PVALEF: variants seen among roughly 807,000 people sequenced by gnomAD.
The protein encoded by PVALEF is parvalbumin like EF-hand containing.
PVALEF carries 2 observed loss-of-function variants against 1.2 expected under a neutral mutation model. The ratio of observed to expected loss-of-function variants is 1.68; its 90% CI spans 0.69 to 5.28. PVALEF has a LOEUF of 5.28. PVALEF is among the 30% of genes most tolerant of loss of function. PVALEF has a pLI of 0.06. For synonymous variants in PVALEF, 16 were observed against 6.5 expected, an observed-to-expected ratio of 2.47 and a Z score of -2.24; for missense variants, 35 against 17.7, an observed-to-expected ratio of 1.97 and a Z score of -1.75.
chr17:81,165,655 C>G lies in PVALEF; in HGVS notation c.-600C>G, dbSNP rs1215939410. ...CCAACTCTCCTGGACACCAGGGGCC[C>G]ACGCAGGCCCTCCGTGCCCCAGTTA... On this transcript the variant is annotated 5_prime_UTR_variant, in exon 1 of 7. Coordinates refer to ENST00000637878, the MANE Select transcript of PVALEF (RefSeq NM_001354639.2). The G allele has an allele frequency of 6.7e-7, 1 of 1,493,104 alleles. No individual in the cohort carries two copies. The highest frequency in any genetic ancestry group is 2.0e-5 in the Admixed American group (1 of 49,468). The allele number at this position is 1,493,104 out of a possible 1,614,324, so 92.5% of individuals were successfully genotyped here.
At position 81,181,665 on chromosome 17, in the gene PVALEF, G is replaced by A; in HGVS notation, c.213G>A (p.Lys71=). 2.5e-6 allele frequency: 1 copy of A among 407,246 alleles called. No homozygotes were observed. Among genetic ancestry groups the A allele is most frequent in the Non-Finnish European group, 4.3e-6 (1 of 231,926 alleles). The allele number at this position is 407,246 out of a possible 1,614,324, so 25.2% of individuals were successfully genotyped here. A position where few individuals can be genotyped will look rare whatever the true frequency, so the allele number is the denominator to read the frequency against. The part of the protein sequence containing the change: ...HTAFQSLDKD[K]SGFIEWNEIK... ...CCTTCCAGTCCCTGGACAAGGACAA[G>A]AGTGGCTTCATTGAGTGGAACGAGA... is the stretch of plus-strand genomic sequence containing the variant. Residue 71 remains lysine, a synonymous_variant, in exon 5 of 7, where the codon AAG becomes AAA. Coordinates refer to ENST00000637878, the MANE Select transcript of PVALEF (RefSeq NM_001354639.2).
chr17:81,171,781 C>T (rs369113756), intron 2 of PVALEF, among the ~76,000 whole-genome samples: 2 of 152,144 alleles, frequency 1.3e-5, no homozygotes, highest in African/African-American at 4.8e-5. Flanking sequence ...CGTGAGCCAC[C>T]GTGCCCGGCC....
intron 2 of PVALEF, among the ~76,000 whole-genome samples, chr17:81,175,696 C>T (rs2061534094): frequency 6.6e-6 from 1 of 152,194 alleles, no homozygotes; most frequent in Non-Finnish European, 1.5e-5. Flanking sequence ...AAAAAACAGT[C>T]TTTCAACAAA....
intron 2 of PVALEF, among the ~76,000 whole-genome samples, chr17:81,173,445 G>A (rs1454731014): frequency 1.3e-5 from 2 of 152,202 alleles, no homozygotes; most frequent in Admixed American, 6.5e-5. Context: ...GAAGCAGCAG[G>A]TGGGGTGGGA....
At chr17:81,181,056 C>A in intron 3 of PVALEF, 67 bp from the exon 4 acceptor site, 1 of 539,874 alleles carries the variant, frequency 1.9e-6, no homozygotes, top group Admixed American at 3.3e-5. Flanking sequence ...GGCTGGGATC[C>A]CAGCATGTCT....
chr17:81,182,889 C>T, intron 6 of PVALEF, 76 bp from the exon 7 acceptor site: 1 of 398,262 alleles, frequency 2.5e-6, no homozygotes. Context: ...TCTGCCTCCT[C>T]TGAGAGTTAA....
chr17:81,180,610 C>T (rs374107231), intron 3 of PVALEF, among the ~76,000 whole-genome samples: 12 of 152,300 alleles, frequency 7.9e-5, no homozygotes, highest in African/African-American at 2.9e-4. Flanking sequence ...CGTCTCCCCA[C>T]ATCACATGGC....
rs1309991674 is a variant in PVALEF, at chr17:81,182,956, C to T, written c.359-9C>T. On this transcript the variant is annotated splice_polypyrimidine_tract_variant and intron_variant, in intron 6 of 6. Coordinates refer to ENST00000637878, the MANE Select transcript of PVALEF (RefSeq NM_001354639.2). The stretch of plus-strand genomic sequence containing the variant: ...GGGGTACTTACTTTAAATTGGTCTC[C>T]TGCTCTAGAATTTTCTGAATTGATC... 2.5e-6 allele frequency: 1 copy of T among 398,544 alleles called. No homozygotes were observed. Among genetic ancestry groups the T allele is most frequent in the Non-Finnish European group, 4.4e-6 (1 of 226,084 alleles). 24.7% of individuals were successfully genotyped at this position (398,544 alleles called of 1,614,324 possible).
At chr17:81,171,716 T>C (rs555750926) in intron 2 of PVALEF, among the ~76,000 whole-genome samples, 1 of 152,170 alleles carries the variant, frequency 6.6e-6, no homozygotes, top group East Asian at 1.9e-4. Flanking sequence ...ATGGTCTCGA[T>C]CTCCTGACCT....
chr17:81,181,353 G>A, intron 4 of PVALEF, 21 bp downstream of exon 4: 1 of 634,130 alleles, frequency 1.6e-6, no homozygotes, highest in South Asian at 1.9e-5. Context: ...CCCCCGCCCG[G>A]CGCGGCCCCC....
At chr17:81,171,398 G>A (rs955493534) in intron 2 of PVALEF, among the ~76,000 whole-genome samples, 4 of 152,200 alleles carry the variant, frequency 2.6e-5, no homozygotes, top group Non-Finnish European at 4.4e-5. Flanking sequence ...GCGGGCCAGG[G>A]GCAGGTCCCC....
In PVALEF at chr17:81,181,989, G is replaced by A; in HGVS notation, c.266G>A (p.Ser89Asn). 1 of 398,688 alleles carries A rather than the reference G, an allele frequency of 2.5e-6. No individual in the cohort carries two copies. 24.7% of individuals were successfully genotyped at this position (398,688 alleles called of 1,614,324 possible). The change falls in exon 6 of 7, where the codon AGC becomes AAC. Residue 89 changes from serine to asparagine, a missense_variant. Physicochemically the swap from Ser to Asn is conservative, Grantham distance 46. Transcript: ENST00000637878. ...EIKYILSIIP[S>N]SGPTTPLTDE... ...AGGTACATCCTGTCCATCATCCCCA[G>A]CAGCGGGCCCACCACCCCGCTGACA...
rs1203253400 is a variant in PVALEF at position 81,179,022 on chromosome 17, C to CGG, written c.-232_-231dup. 8 of 451,216 alleles carry CGG rather than the reference C, an allele frequency of 1.8e-5. No individual in the cohort carries two copies. The East Asian group carries it at 5.7e-4, about 32-fold the overall frequency. The allele number at this position is 451,216 out of a possible 1,614,324, so 28.0% of individuals were successfully genotyped here. A position where few individuals can be genotyped will look rare whatever the true frequency, so the allele number is the denominator to read the frequency against. On this transcript the variant is annotated 5_prime_UTR_variant, in exon 3 of 7. The change creates a premature stop within an existing upstream ORF in the 5' untranslated region. Coordinates refer to ENST00000637878, the MANE Select transcript of PVALEF (RefSeq NM_001354639.2). ...AGCTGCCCGTGCCAGGCTGGAGTGC[C>CGG]GGGGAGGGGCGAGGACAGCTGCAGC...
rs1342608094 is a variant in PVALEF, at chr17:81,165,649, G to A, written c.-606G>A. 1.3e-6 allele frequency: 2 copies of A among 1,485,726 alleles called. No individual in the cohort carries two copies. The highest frequency in any genetic ancestry group is 1.4e-5 in the African/African-American group (1 of 71,748). The allele number at this position is 1,485,726 out of a possible 1,614,324, so 92.0% of individuals were successfully genotyped here. ...CTGAGACCAACTCTCCTGGACACCA[G>A]GGGCCCACGCAGGCCCTCCGTGCCC... On this transcript the variant is annotated 5_prime_UTR_variant, in exon 1 of 7. Coordinates refer to ENST00000637878, the MANE Select transcript of PVALEF (RefSeq NM_001354639.2).
At chr17:81,166,493 C>T (rs1457429720) in intron 1 of PVALEF, among the ~76,000 whole-genome samples, 184 bp from the exon 2 acceptor site, 1 of 30,284 alleles carries the variant, frequency 3.3e-5, no homozygotes, top group Non-Finnish European at 6.8e-5. Context: ...GAGGGGGGCA[C>T]GGAGGCTGGC....
chr17:81,166,503 CGGGGG>C (rs1352693269), intron 1 of PVALEF, among the ~76,000 whole-genome samples, 169 bp from the exon 2 acceptor site: 1 of 13,234 alleles, frequency 7.6e-5, no homozygotes, highest in Admixed American at 1.2e-3. Flanking sequence ...CGGAGGCTGG[CGGGGG>C]GGGGGGAAAC....
At chr17:81,172,718 C>T (rs377410061) in intron 2 of PVALEF, among the ~76,000 whole-genome samples, 10 of 152,118 alleles carry the variant, frequency 6.6e-5, no homozygotes, top group South Asian at 4.2e-4. Context: ...GAGCCGAGAC[C>T]GCGACACTGC....
chr17:81,172,618 G>A (rs886335736), intron 2 of PVALEF, among the ~76,000 whole-genome samples: 13 of 151,982 alleles, frequency 8.6e-5, no homozygotes, highest in Admixed American at 3.3e-4. Flanking sequence ...AAAATTAGCC[G>A]GCGTGGTGGT....
chr17:81,167,782 A>G (rs1474743523), intron 2 of PVALEF, among the ~76,000 whole-genome samples: 8 of 152,210 alleles, frequency 5.3e-5, no homozygotes. Flanking sequence ...CCAAGGTTCT[A>G]AGGGGCGCTG....
Sources: allele counts gnomAD v4.1 joint callset (sites outside exome capture counted in the v4.1 genomes callset), GRCh38; gene constraint gnomAD v4.1.1; transcripts MANE v1.5; gene names NCBI Gene and HGNC (gene_info 2026-07-23, HGNC 2026-07-21).